The following FGF12 variants were observed in gnomAD, a reference collection of about 807,000 sequenced individuals.
The protein encoded by FGF12 is fibroblast growth factor 12B.
Under a neutral mutation model 23.6 loss-of-function variants are expected in FGF12, and 14 were observed. That is an observed-to-expected ratio of 0.59 (90% confidence interval 0.39 to 0.93). FGF12 has a LOEUF of 0.93. Among genes scored for constraint, FGF12 ranks in the 40% least tolerant of loss-of-function variants. FGF12 has a pLI of 0.00. For synonymous variants in FGF12, 62 were observed against 77.3 expected, an observed-to-expected ratio of 0.80 and a Z score of 1.04; for missense variants, 175 against 217.8, an observed-to-expected ratio of 0.80 and a Z score of 1.24.
intron 2 of FGF12, among the ~76,000 whole-genome samples, chr3:192,694,257 G>A (rs1718036336): frequency 6.6e-6 from 1 of 152,138 alleles, no homozygotes; most frequent in South Asian, 2.1e-4. Context: ...TGTTGGCAAG[G>A]GTGGTGAGAA....
chr3:192,544,857 T>C (rs1403364385), intron 2 of FGF12, among the ~76,000 whole-genome samples: 1 of 152,194 alleles, frequency 6.6e-6, no homozygotes, highest in South Asian at 2.1e-4. Context: ...ATAGCAGACC[T>C]TTGTATTTCC....
chr3:192,710,193 T>C (rs962749453), intron 2 of FGF12, among the ~76,000 whole-genome samples: 26 of 152,206 alleles, frequency 1.7e-4, no homozygotes, highest in Admixed American at 1.6e-3. Flanking sequence ...CTCCCCAAAA[T>C]GCTACATCAA....
At chr3:192,603,714 C>G (rs1040066804) in intron 2 of FGF12, among the ~76,000 whole-genome samples, 1 of 152,050 alleles carries the variant, frequency 6.6e-6, no homozygotes, top group Non-Finnish European at 1.5e-5. Context: ...GATCACATGC[C>G]TCAAAGGGCA....
At chr3:192,324,748 A>G (rs1434415099) in intron 4 of FGF12, among the ~76,000 whole-genome samples, 3 of 152,236 alleles carry the variant, frequency 2.0e-5, no homozygotes, top group Non-Finnish European at 4.4e-5. Context: ...AACTTTGGAA[A>G]TATGACTACT....
rs77057014 is a variant in FGF12 at position 192,575,845 on chromosome 3, C to T, written c.13+151336G>A. On this transcript the variant is annotated intron_variant, in intron 2 of 5. Transcript: ENST00000445105. Reference sequence around the variant, plus strand: ...ACTGATATATGTAGCACCTAGCTGCCACTTTATGAATAGTTAATACATTGT... The same window carrying T: ...ACTGATATATGTAGCACCTAGCTGCTACTTTATGAATAGTTAATACATTGT... 5.4e-4 allele frequency among the ~76,000 whole-genome samples: 82 copies of T among 151,996 alleles called. No homozygotes were observed. The East Asian group carries it at 0.014, about 26-fold the overall frequency.
intron 4 of FGF12, among the ~76,000 whole-genome samples, chr3:192,304,294 C>T (rs966253720): frequency 5.3e-5 from 8 of 152,292 alleles, no homozygotes; most frequent in Admixed American, 2.0e-4. Context: ...ACATCTACTT[C>T]CCCTGTTGGG....
intron 2 of FGF12, among the ~76,000 whole-genome samples, chr3:192,498,504 G>A (rs2108831029): frequency 6.6e-6 from 1 of 152,332 alleles, no homozygotes; most frequent in East Asian, 1.9e-4. Context: ...ATTAAACCCT[G>A]ATTGGGTATA....
chr3:192,353,453 T>C (rs867493877), intron 3 of FGF12, among the ~76,000 whole-genome samples: 17 of 133,126 alleles, frequency 1.3e-4, no homozygotes, highest in African/African-American at 4.6e-4. Flanking sequence ...CACTGCAACC[T>C]CTGCCTCCTG....
At chr3:192,483,755 C>G (rs1723545824) in intron 2 of FGF12, among the ~76,000 whole-genome samples, 1 of 151,666 alleles carries the variant, frequency 6.6e-6, no homozygotes, top group Non-Finnish European at 1.5e-5. Flanking sequence ...GGCGTTCCAG[C>G]TAGAAAAAAT....
intron 2 of FGF12, among the ~76,000 whole-genome samples, chr3:192,613,864 A>G (rs1380400597): frequency 2.0e-5 from 3 of 151,958 alleles, no homozygotes; most frequent in Non-Finnish European, 4.4e-5. Context: ...AAGATCCTAA[A>G]ACATCACTTA....
At chr3:192,579,744 AT>A (rs1323736426) in intron 2 of FGF12, among the ~76,000 whole-genome samples, 3 of 151,884 alleles carry the variant, frequency 2.0e-5, no homozygotes, top group Middle Eastern at 3.4e-3. Context: ...TAGTTTTTGT[AT>A]TTTTCAATAG....
Position 192,389,383 on chromosome 3 carries a change from C to T in FGF12, c.14-28845G>A, listed in dbSNP as rs769763681. ...TCTCAAACAACGACAATACATATTC[C>T]GCAATCTTCCCCTGAGGTCTGGGAC... is the stretch of plus-strand genomic sequence containing the variant. On this transcript the variant is annotated intron_variant, in intron 2 of 5. Coordinates refer to ENST00000445105, the MANE Select transcript of FGF12 (RefSeq NM_004113.6). 5.9e-5 allele frequency among the ~76,000 whole-genome samples: 9 copies of T among 152,238 alleles called. No individual in the cohort carries two copies. In the South Asian group the frequency reaches 6.2e-4, roughly 11 times the overall value.
chr3:192,469,181 T>C (rs1370839091), intron 2 of FGF12, among the ~76,000 whole-genome samples: 1 of 152,144 alleles, frequency 6.6e-6, no homozygotes, highest in Non-Finnish European at 1.5e-5. Flanking sequence ...CGCTGCAATC[T>C]AGCACTTCTC....
chr3:192,600,739 A>G (rs1449083841), intron 2 of FGF12, among the ~76,000 whole-genome samples: 1 of 152,124 alleles, frequency 6.6e-6, no homozygotes, highest in Non-Finnish European at 1.5e-5. Flanking sequence ...AATCAAAACC[A>G]CAATGAAGTA....
At chr3:192,299,879 G>GAATCAATGTA (rs1715244183) in intron 4 of FGF12, among the ~76,000 whole-genome samples, 1 of 152,158 alleles carries the variant, frequency 6.6e-6, no homozygotes, top group Non-Finnish European at 1.5e-5. Context: ...GTCTAAGATA[G>GAATCAATGTA]TCTTTCCACA....
At chr3:192,460,112 C>T (rs534498340) in intron 2 of FGF12, among the ~76,000 whole-genome samples, 10 of 152,178 alleles carry the variant, frequency 6.6e-5, no homozygotes, top group African/African-American at 2.4e-4. Context: ...ACCAACTCTA[C>T]CTTGTGGGAG....
intron 2 of FGF12, among the ~76,000 whole-genome samples, chr3:192,722,262 GT>G (rs933180668): frequency 6.6e-6 from 1 of 152,126 alleles, no homozygotes; most frequent in African/African-American, 2.4e-5. Flanking sequence ...ACTGAATTAT[GT>G]TTTACTTATC....
chr3:192,351,504 G>T (rs1296335020), intron 3 of FGF12, among the ~76,000 whole-genome samples: 1 of 152,176 alleles, frequency 6.6e-6, no homozygotes, highest in Admixed American at 6.5e-5. Flanking sequence ...AAAGCCACAG[G>T]TATCTCAAAC....
At chr3:192,599,111 G>T (rs548474234) in intron 2 of FGF12, among the ~76,000 whole-genome samples, 114 of 152,118 alleles carry the variant, frequency 7.5e-4, no homozygotes, top group African/African-American at 2.7e-3. Context: ...GAGCCTGTAG[G>T]GGGTGGGGGA....
Sources: allele counts gnomAD v4.1 joint callset (sites outside exome capture counted in the v4.1 genomes callset), GRCh38; gene constraint gnomAD v4.1.1; transcripts MANE v1.5; gene names NCBI Gene and HGNC (gene_info 2026-07-23, HGNC 2026-07-21).